The following MACROD2 variants were observed in gnomAD, a reference collection of about 807,000 sequenced individuals.
MACROD2 encodes the protein ADP-ribose glycohydrolase MACROD2.
In MACROD2, 36 loss-of-function variants were observed where a neutral mutation model predicts 70.4. The ratio of observed to expected loss-of-function variants is 0.51; its 90% CI spans 0.39 to 0.68. MACROD2 has a LOEUF of 0.68. Among genes scored for constraint, MACROD2 ranks in the 30% least tolerant of loss-of-function variants. MACROD2 has a pLI of 0.00. For synonymous variants in MACROD2, 172 were observed against 178.8 expected, an observed-to-expected ratio of 0.96 and a Z score of 0.30; for missense variants, 496 against 538.4, an observed-to-expected ratio of 0.92 and a Z score of 0.78.
intron 4 of MACROD2, among the ~76,000 whole-genome samples, chr20:14,579,175 C>G (rs368868757): frequency 1.4e-5 from 2 of 141,080 alleles, no homozygotes; most frequent in South Asian, 4.5e-4. Flanking sequence ...CGCTCTGTCG[C>G]CCAGGCCGGA....
At chr20:14,952,578 C>T (rs2074484347) in intron 5 of MACROD2, among the ~76,000 whole-genome samples, 2 of 152,098 alleles carry the variant, frequency 1.3e-5, no homozygotes, top group South Asian at 4.1e-4. Flanking sequence ...ACCCACATAT[C>T]TCATTAGCAA....
At chr20:15,176,317 C>A (rs903692091) in intron 5 of MACROD2, among the ~76,000 whole-genome samples, 4 of 152,172 alleles carry the variant, frequency 2.6e-5, no homozygotes, top group Admixed American at 2.6e-4. Flanking sequence ...TGGTGAAATC[C>A]CACCTTCAAG....
chr20:14,635,476 A>G lies in MACROD2; in HGVS notation c.302-49367A>G, dbSNP rs547321679. Among the ~76,000 whole-genome samples, 74 of 152,320 alleles carry G rather than the reference A, an allele frequency of 4.9e-4. 1 individual carries two copies. Among genetic ancestry groups the G allele is most frequent in the Admixed American group, 2.7e-3 (42 of 15,296 alleles). On this transcript the variant is annotated intron_variant, in intron 4 of 17. Transcript: ENST00000684519. The stretch of plus-strand genomic sequence containing the variant: ...ATTGATATTGAATTATCTCTACCCA[A>G]AAAGAATGTCCATCACAATAGTGTT...
chr20:15,543,315 C>T (rs1045992768), intron 8 of MACROD2, among the ~76,000 whole-genome samples: 4 of 152,076 alleles, frequency 2.6e-5, no homozygotes, highest in South Asian at 4.1e-4. Context: ...AGGCCCTACT[C>T]GTAAGATTAT....
At chr20:14,949,640 A>G (rs2074459699) in intron 5 of MACROD2, among the ~76,000 whole-genome samples, 1 of 152,124 alleles carries the variant, frequency 6.6e-6, no homozygotes, top group South Asian at 2.1e-4. Context: ...ATATTCTCAT[A>G]CTCATGGAAG....
intron 3 of MACROD2, among the ~76,000 whole-genome samples, chr20:14,310,083 G>A (rs2082553378): frequency 6.6e-6 from 1 of 152,088 alleles, no homozygotes; most frequent in African/African-American, 2.4e-5. Flanking sequence ...TCAGATCCAT[G>A]CTTGTGCTAA....
chr20:14,313,131 T>C (rs991358832), intron 3 of MACROD2, among the ~76,000 whole-genome samples: 1 of 152,252 alleles, frequency 6.6e-6, no homozygotes, highest in Non-Finnish European at 1.5e-5. Context: ...GATTTGAATA[T>C]AATATATTGG....
At chr20:14,306,276 T>A (rs1285335138) in intron 3 of MACROD2, among the ~76,000 whole-genome samples, 1 of 152,136 alleles carries the variant, frequency 6.6e-6, no homozygotes, top group African/African-American at 2.4e-5. Context: ...AGTCTGATTC[T>A]ACCTCTAAGG....
chr20:15,309,527 C>G (rs371620343), intron 6 of MACROD2, among the ~76,000 whole-genome samples: 29 of 152,184 alleles, frequency 1.9e-4, no homozygotes, highest in East Asian at 1.3e-3. Context: ...TTTGCCTTGT[C>G]TTCTTTTAGT....
chr20:14,313,468 G>T (rs979365341), intron 3 of MACROD2, among the ~76,000 whole-genome samples: 1 of 148,684 alleles, frequency 6.7e-6, no homozygotes, highest in African/African-American at 2.5e-5. Flanking sequence ...TGAAGGTGAA[G>T]TGTTAATTGG....
At chr20:15,023,756 G>T (rs2075208540) in intron 5 of MACROD2, among the ~76,000 whole-genome samples, 2 of 152,098 alleles carry the variant, frequency 1.3e-5, no homozygotes, top group Non-Finnish European at 2.9e-5. Flanking sequence ...ACTTCCCATA[G>T]ATTCGCTCCT....
intron 8 of MACROD2, among the ~76,000 whole-genome samples, chr20:15,777,892 C>A (rs1180148996): frequency 1.3e-5 from 2 of 152,146 alleles, no homozygotes; most frequent in Non-Finnish European, 2.9e-5. Context: ...CTTGAGAGAT[C>A]TGCCTGCCTC....
rs374184093 is a variant in MACROD2 at position 15,862,822 on chromosome 20, C to T, written c.723C>T (p.Ser241=). ...IYKKKMNEFF[S]VDDNNEEEED... The stretch of plus-strand genomic sequence containing the variant: ...AAAAGAAAATGAATGAGTTTTTCTC[C>T]GTAGGTGAGTAAAGCAACTTCTTGT... The change falls in exon 9 of 18, where the codon TCC becomes TCT. Residue 241 remains serine (S), a synonymous_variant. Coordinates refer to ENST00000684519, the MANE Select transcript of MACROD2 (RefSeq NM_001351661.2). 256 of 1,606,152 alleles carry T rather than the reference C, an allele frequency of 1.6e-4. 2 individuals are homozygous for T. The South Asian group carries it at 2.6e-3, about 16-fold the overall frequency.
chr20:15,042,669 C>A (rs1469404697), intron 5 of MACROD2, among the ~76,000 whole-genome samples: 1 of 152,056 alleles, frequency 6.6e-6, no homozygotes, highest in Non-Finnish European at 1.5e-5. Flanking sequence ...TTGAAGGTCC[C>A]TGTCTTAGCA....
chr20:14,252,329 A>G (rs2082020027), intron 3 of MACROD2, among the ~76,000 whole-genome samples: 1 of 151,996 alleles, frequency 6.6e-6, no homozygotes, highest in Non-Finnish European at 1.5e-5. Context: ...TATCCTGACT[A>G]TATGGGATCA....
At chr20:15,737,886 G>GGATA (rs1269341693) in intron 8 of MACROD2, among the ~76,000 whole-genome samples, 1 of 151,678 alleles carries the variant, frequency 6.6e-6, no homozygotes, top group Admixed American at 6.6e-5. Flanking sequence ...ATGGATGGAT[G>GGATA]GATGATGAAT....
intron 13 of MACROD2, among the ~76,000 whole-genome samples, chr20:15,972,024 G>A (rs2066238877): frequency 6.6e-6 from 1 of 152,150 alleles, no homozygotes; most frequent in Non-Finnish European, 1.5e-5. Flanking sequence ...AGACAAAGAA[G>A]TTATAGAAAG....
intron 2 of MACROD2, among the ~76,000 whole-genome samples, chr20:14,074,206 CTG>C (rs755378002): frequency 2.0e-5 from 3 of 152,224 alleles, no homozygotes; most frequent in Non-Finnish European, 4.4e-5. Flanking sequence ...GTATTTGAAA[CTG>C]AGCTCAGTTC....
chr20:14,257,328 A>T lies in MACROD2; in HGVS notation c.271+171600A>T, dbSNP rs550405667. 1.8e-4 allele frequency among the ~76,000 whole-genome samples: 27 copies of T among 152,274 alleles called. No individual in the cohort carries two copies. In the South Asian group the frequency reaches 5.6e-3, roughly 32 times the overall value. ...AAAAAACCATTAATTCTTTATATAG[A>T]TGTCAGAATTTTAAGATGCAGATTA... On this transcript the variant is annotated intron_variant, in intron 3 of 17. Coordinates refer to ENST00000684519, the MANE Select transcript of MACROD2 (RefSeq NM_001351661.2).
Sources: allele counts gnomAD v4.1 joint callset (sites outside exome capture counted in the v4.1 genomes callset), GRCh38; gene constraint gnomAD v4.1.1; transcripts MANE v1.5; gene names NCBI Gene and HGNC (gene_info 2026-07-23, HGNC 2026-07-21).